Variants in MAML3 observed in about 807,000 individuals in gnomAD.
MAML3 encodes mastermind-like protein 3.
In MAML3, 27 loss-of-function variants were observed where a neutral mutation model predicts 101.9. The ratio of observed to expected loss-of-function variants is 0.27; its 90% CI spans 0.20 to 0.37. The LOEUF (loss-of-function observed/expected upper bound fraction) is 0.37, where lower values mean the gene tolerates loss of function less well. MAML3 is among the 10% of genes least tolerant of loss of function. MAML3 has a pLI of 1.00. For synonymous variants in MAML3, 501 were observed against 555.9 expected, an observed-to-expected ratio of 0.90 and a Z score of 1.39; for missense variants, 1,316 against 1,444.9, an observed-to-expected ratio of 0.91 and a Z score of 1.45.
intron 2 of MAML3, among the ~76,000 whole-genome samples, chr4:139,831,495 ACTGT>A (rs1731161417): frequency 6.6e-6 from 1 of 152,170 alleles, no homozygotes; most frequent in African/African-American, 2.4e-5. Context: ...TAAATACAAC[ACTGT>A]CTGTTTATTG....
intron 2 of MAML3, among the ~76,000 whole-genome samples, chr4:139,811,072 A>G (rs1730788493): frequency 6.6e-6 from 1 of 152,242 alleles, no homozygotes; most frequent in Non-Finnish European, 1.5e-5. Flanking sequence ...GTAGGAAGAC[A>G]GAAGGAGATA....
chr4:139,953,877 G>A (rs112874696), intron 1 of MAML3, among the ~76,000 whole-genome samples: 2,534 of 152,202 alleles, frequency 0.017, 30 homozygotes, highest in Non-Finnish European at 0.025. Flanking sequence ...TCATTCCAAC[G>A]GCGACAGGAG....
At chr4:139,724,380 A>AT (rs1444696511) in intron 4 of MAML3, among the ~76,000 whole-genome samples, 2 of 152,174 alleles carry the variant, frequency 1.3e-5, no homozygotes, top group Admixed American at 6.5e-5. Flanking sequence ...GTTGTATTTC[A>AT]TTTTGAAAAT....
intron 1 of MAML3, among the ~76,000 whole-genome samples, chr4:139,972,304 G>A (rs1444391726): frequency 1.3e-5 from 2 of 152,174 alleles, no homozygotes; most frequent in Admixed American, 6.6e-5. Context: ...TACAGTGGTA[G>A]CCACATTGGG....
chr4:139,946,448 A>AT (rs796400528), intron 1 of MAML3, among the ~76,000 whole-genome samples: 59 of 150,814 alleles, frequency 3.9e-4, no homozygotes, highest in African/African-American at 8.7e-4. Context: ...CAGTGCAATA[A>AT]TTTTTTTTTT....
chr4:140,153,037 C>T lies in MAML3; in HGVS notation c.291G>A (p.Gln97=), dbSNP rs1191236661. The T allele has an allele frequency of 6.3e-7, 1 of 1,589,074 alleles. No individual in the cohort carries two copies. The highest frequency in any genetic ancestry group is 8.6e-7 in the Non-Finnish European group (1 of 1,167,614). ...HHVNCENRYQ[Q]AQVEQLELER... is the part of the protein sequence containing the mutation. ...CCAGCTCCAGCTGCTCCACCTGAGC[C>T]TGCTGGTACCTGTTCTCGCAGTTGA... is the stretch of plus-strand genomic sequence containing the variant. The change falls in exon 1 of 5, where the codon CAG becomes CAA. Residue 97 remains glutamine (Q), a synonymous_variant. Coordinates refer to ENST00000509479, the MANE Select transcript of MAML3 (RefSeq NM_018717.5).
chr4:139,754,214 G>A (rs1299614533), intron 2 of MAML3, among the ~76,000 whole-genome samples: 1 of 152,238 alleles, frequency 6.6e-6, no homozygotes, highest in Non-Finnish European at 1.5e-5. Context: ...TCAATTATGG[G>A]TGAGTTTTTA....
chr4:140,027,314 A>G (rs1726842476), intron 1 of MAML3, among the ~76,000 whole-genome samples: 1 of 152,188 alleles, frequency 6.6e-6, no homozygotes, highest in South Asian at 2.1e-4. Context: ...TTAGAATTTC[A>G]TCACTTCTTT....
intron 2 of MAML3, among the ~76,000 whole-genome samples, chr4:139,860,058 T>C (rs908665883): frequency 1.3e-5 from 2 of 152,178 alleles, no homozygotes; most frequent in African/African-American, 4.8e-5. Context: ...GTGCTGCCGT[T>C]TCTATTGGAG....
intron 2 of MAML3, among the ~76,000 whole-genome samples, chr4:139,884,130 C>T (rs1029444079): frequency 1.6e-4 from 25 of 151,916 alleles, no homozygotes; most frequent in Admixed American, 1.2e-3. Flanking sequence ...GTGATCCACC[C>T]GACTCGGCCT....
intron 1 of MAML3, among the ~76,000 whole-genome samples, chr4:140,149,855 C>T (rs556434871): frequency 2.0e-5 from 3 of 151,554 alleles, no homozygotes; most frequent in Admixed American, 1.3e-4. Flanking sequence ...TCAATACAGA[C>T]TGTTAAAATA....
intron 1 of MAML3, among the ~76,000 whole-genome samples, chr4:140,151,763 A>G (rs576041783): frequency 6.0e-5 from 9 of 151,014 alleles, no homozygotes; most frequent in African/African-American, 2.2e-4. Context: ...AAAGAACCGG[A>G]GAGGGGAGAT....
chr4:139,822,205 C>T (rs899560718), intron 2 of MAML3, among the ~76,000 whole-genome samples: 4 of 151,094 alleles, frequency 2.6e-5, no homozygotes, highest in African/African-American at 4.9e-5. Flanking sequence ...TCATCAGGAT[C>T]ATCATTATCA....
At position 140,118,286 on chromosome 4, in the gene MAML3, T is replaced by C. The variant is rs182536982; in HGVS notation, c.468+34574A>G. Among the ~76,000 whole-genome samples, 517 of 152,244 alleles carry C rather than the reference T, an allele frequency of 3.4e-3. 5 individuals are homozygous for C. The highest frequency in any genetic ancestry group is 0.012 in the African/African-American group (483 of 41,528). On this transcript the variant is annotated intron_variant, in intron 1 of 4. Transcript: ENST00000509479. Reference sequence around the variant, plus strand: ...TACCGTGTACTAGCTGTATGACTTTTATCCAGTCACTTAGCCTCTCTGCGC... The same window carrying C: ...TACCGTGTACTAGCTGTATGACTTTCATCCAGTCACTTAGCCTCTCTGCGC...
intron 1 of MAML3, among the ~76,000 whole-genome samples, chr4:139,944,617 C>A (rs1486089901): frequency 6.6e-6 from 1 of 151,494 alleles, no homozygotes; most frequent in Non-Finnish European, 1.5e-5. Flanking sequence ...AAACAAACAA[C>A]CCCATCAAAA....
rs1163194365 is a variant in MAML3 at position 140,079,067 on chromosome 4, A to C, written c.468+73793T>G. ...TGCTGGAGTTGATAAGAAGGAAGGC[A>C]AAAGCAGGAATCAAGAGCTCAGTGC... is the stretch of plus-strand genomic sequence containing the variant. On this transcript the variant is annotated intron_variant, in intron 1 of 4. Transcript: ENST00000509479. Among the ~76,000 whole-genome samples, 7 of 152,206 alleles carry C rather than the reference A, an allele frequency of 4.6e-5. No homozygotes were observed. The South Asian group carries it at 6.2e-4, about 13-fold the overall frequency.
At chr4:139,757,953 C>A (rs1729686376) in intron 2 of MAML3, among the ~76,000 whole-genome samples, 1 of 152,156 alleles carries the variant, frequency 6.6e-6, no homozygotes, top group South Asian at 2.1e-4. Flanking sequence ...TCCAAAGCAC[C>A]TTCTGCCTTT....
chr4:139,969,856 A>G (rs997498019), intron 1 of MAML3, among the ~76,000 whole-genome samples: 25 of 152,220 alleles, frequency 1.6e-4, no homozygotes, highest in Admixed American at 1.6e-3. Flanking sequence ...ACTCACAAAA[A>G]AGTGTTTCCA....
At chr4:140,093,458 C>T (rs991721605) in intron 1 of MAML3, among the ~76,000 whole-genome samples, 1 of 150,266 alleles carries the variant, frequency 6.7e-6, no homozygotes, top group African/African-American at 2.5e-5. Flanking sequence ...GCTCTGTCGC[C>T]CAGGCTGGAG....
Sources: allele counts gnomAD v4.1 joint callset (sites outside exome capture counted in the v4.1 genomes callset), GRCh38; gene constraint gnomAD v4.1.1; transcripts MANE v1.5; gene names NCBI Gene and HGNC (gene_info 2026-07-23, HGNC 2026-07-21).